The following USP44 variants were observed in gnomAD, a reference collection of about 807,000 sequenced individuals.
USP44 encodes the protein ubiquitin carboxyl-terminal hydrolase 44.
USP44 carries 61 observed loss-of-function variants against 69.0 expected under a neutral mutation model. That is an observed-to-expected ratio of 0.88 (90% CI 0.72 to 1.09). The LOEUF (loss-of-function observed/expected upper bound fraction) is 1.09. Ranked by LOEUF, USP44 falls within the 50% of genes least tolerant of loss-of-function variation. The pLI is 0.00. For missense variants in USP44, 753 were observed against 849.9 expected, an observed-to-expected ratio of 0.89 and a Z score of 1.42; for synonymous variants, 297 against 295.4, an observed-to-expected ratio of 1.01 and a Z score of -0.06.
At chr12:95,526,205 G>A (rs1565809656) in intron 3 of USP44, among the ~76,000 whole-genome samples, 1 of 152,138 alleles carries the variant, frequency 6.6e-6, no homozygotes, top group East Asian at 1.9e-4. Context: ...GAAAGCATTT[G>A]GCACTCACCA....
intron 1 of USP44, among the ~76,000 whole-genome samples, chr12:95,535,790 G>A (rs866337145): frequency 1.3e-5 from 2 of 151,922 alleles, no homozygotes; most frequent in East Asian, 1.9e-4. Flanking sequence ...ACCTAGTTAC[G>A]GAACACTAAA....
intron 1 of USP44, among the ~76,000 whole-genome samples, chr12:95,543,922 G>A (rs1226155781): frequency 1.7e-5 from 2 of 115,100 alleles, no homozygotes; most frequent in Non-Finnish European, 3.3e-5. Flanking sequence ...AGCCGAGATC[G>A]CGCCACTGCA....
At chr12:95,519,511 C>T (rs1332281275) in intron 5 of USP44, among the ~76,000 whole-genome samples, 3 of 139,908 alleles carry the variant, frequency 2.1e-5, no homozygotes, top group Admixed American at 7.7e-5. Flanking sequence ...GCAGTCTCGG[C>T]TCACTGCAAG....
chr12:95,518,013 TAAA>T lies in USP44; in HGVS notation c.*138_*140del, dbSNP rs367951165. 9.4e-6 allele frequency: 7 copies of T among 748,148 alleles called. No individual in the cohort carries two copies. Among genetic ancestry groups the T allele is most frequent in the Non-Finnish European group, 1.2e-5 (6 of 514,718 alleles). 46.3% of individuals were successfully genotyped at this position (748,148 alleles called of 1,614,324 possible). A position where few individuals can be genotyped will look rare whatever the true frequency, so the allele number is the denominator to read the frequency against. On this transcript the variant is annotated 3_prime_UTR_variant, in exon 6 of 6. Transcript: ENST00000258499. Reference sequence around the variant, plus strand: ...AGTTGATATATACATTTATACTTTGTAAAAAAAAAAATTGTTAGATATAAAATG... The same window carrying T: ...AGTTGATATATACATTTATACTTTGTAAAAAAAATTGTTAGATATAAAATG...
intron 1 of USP44, among the ~76,000 whole-genome samples, chr12:95,540,163 C>A (rs1278422326): frequency 1.3e-5 from 2 of 152,114 alleles, no homozygotes; most frequent in East Asian, 3.9e-4. Flanking sequence ...CAGACTTTAC[C>A]CTTAGCCCTA....
intron 3 of USP44, among the ~76,000 whole-genome samples, chr12:95,525,474 T>C (rs964584889): frequency 6.6e-6 from 1 of 152,178 alleles, no homozygotes; most frequent in East Asian, 1.9e-4. Context: ...ATTTAAAAGT[T>C]TGTGGTCAAA....
At chr12:95,527,768 A>C (rs943927434) in intron 3 of USP44, among the ~76,000 whole-genome samples, 4 of 151,698 alleles carry the variant, frequency 2.6e-5, no homozygotes, top group Non-Finnish European at 5.9e-5. Context: ...TACAGGCGTA[A>C]GCCACCGCAC....
At chr12:95,528,453 T>G (rs1452541776) in intron 3 of USP44, among the ~76,000 whole-genome samples, 1 of 152,238 alleles carries the variant, frequency 6.6e-6, no homozygotes, top group African/African-American at 2.4e-5. Flanking sequence ...CACTTTGATA[T>G]GTAGCCAAAA....
intron 4 of USP44, among the ~76,000 whole-genome samples, chr12:95,523,044 C>G (rs2076717518): frequency 6.6e-6 from 1 of 152,126 alleles, no homozygotes; most frequent in Admixed American, 6.5e-5. Context: ...GGATAGCTAA[C>G]CATGCTGAAG....
chr12:95,527,393 C>A (rs1238255988), intron 3 of USP44, among the ~76,000 whole-genome samples: 1 of 152,090 alleles, frequency 6.6e-6, no homozygotes, highest in Non-Finnish European at 1.5e-5. Flanking sequence ...CTGTGCCCAG[C>A]CCACACTCGA....
chr12:95,526,057 G>A (rs929783646), intron 3 of USP44, among the ~76,000 whole-genome samples: 4 of 152,156 alleles, frequency 2.6e-5, no homozygotes, highest in Admixed American at 6.5e-5. Flanking sequence ...TCAACTCCTC[G>A]GCATATAATT....
Position 95,524,783 on chromosome 12 carries a change from G to A in USP44, c.1630C>T (p.Arg544Cys), listed in dbSNP as rs762073679. Reference sequence around the variant, plus strand: ...ACTGGTTTGGAGGAAAACCTTCTACGCTTTGCTGTAACATCAAAGAAAGAA... The same window carrying A: ...ACTGGTTTGGAGGAAAACCTTCTACACTTTGCTGTAACATCAAAGAAAGAA... The part of the protein sequence containing the change: ...IYVCDQCNSK[R>C]RRFSSKPVVL... Residue 544 changes from arginine (R) to cysteine (C), a missense_variant, in exon 4 of 6, where the codon CGT (arginine) becomes TGT (cysteine). Physicochemically the swap from Arg to Cys is radical, Grantham distance 180. Transcript: ENST00000258499. 29 of 1,598,956 alleles carry A rather than the reference G, an allele frequency of 1.8e-5. No individual in the cohort carries two copies. The highest frequency in any genetic ancestry group is 6.7e-5 in the East Asian group (3 of 44,764).
chr12:95,524,091 G>A (rs1026595524), intron 4 of USP44, among the ~76,000 whole-genome samples: 1 of 151,780 alleles, frequency 6.6e-6, no homozygotes. Context: ...ACGTACATAT[G>A]TATGTTTGAG....
chr12:95,547,319 C>T (rs2077604286), intron 1 of USP44, among the ~76,000 whole-genome samples: 1 of 152,152 alleles, frequency 6.6e-6, no homozygotes, highest in African/African-American at 2.4e-5. Flanking sequence ...AAAAATCTGA[C>T]ATCGAACATA....
chr12:95,549,238 G>T (rs2077677615), intron 1 of USP44, among the ~76,000 whole-genome samples: 1 of 152,216 alleles, frequency 6.6e-6, no homozygotes. Flanking sequence ...CACTGGCATA[G>T]AAATTCTTAA....
intron 4 of USP44, chr12:95,521,909 A>G: frequency 2.2e-6 from 1 of 457,402 alleles, no homozygotes; most frequent in Non-Finnish European, 2.9e-6. Context: ...GGGCATCTCT[A>G]TTTCCTCAGA....
chr12:95,533,409 T>C lies in USP44; in HGVS notation c.848A>G (p.Tyr283Cys). The change falls in exon 2 of 6, where the codon TAT becomes TGT. Residue 283 changes from tyrosine to cysteine, a missense_variant. By Grantham distance (194) the Tyr-to-Cys change is radical. Transcript: ENST00000258499. ...CAACACCTGAAGAACAGAATTCATA[T>C]AGCAAGTATTTCCCAAATTTCTCAA... ...TGLRNLGNTC[Y>C]MNSVLQVLSH... 1.2e-6 allele frequency: 2 copies of C among 1,613,884 alleles called. No homozygotes were observed. The highest frequency in any genetic ancestry group is 2.7e-5 in the African/African-American group (2 of 75,056).
At chr12:95,546,421 C>T (rs2077573058) in intron 1 of USP44, 1 of 152,148 alleles carries the variant, frequency 6.6e-6, no homozygotes, top group Non-Finnish European at 1.5e-5. Context: ...GAATGTTACA[C>T]CTTTTACAAT....
At chr12:95,543,424 AAAAAG>A in intron 1 of USP44, among the ~76,000 whole-genome samples, 1 of 149,976 alleles carries the variant, frequency 6.7e-6, no homozygotes, top group African/African-American at 2.5e-5. Context: ...AAAAAAAAAA[AAAAAG>A]AAAAAGAAAA....
Sources: gnomAD v4.1 joint callset for allele counts (sites outside exome capture counted in the v4.1 genomes callset) on GRCh38, gnomAD v4.1.1 for gene constraint, MANE v1.5 for transcripts, NCBI Gene and HGNC (gene_info 2026-07-23, HGNC 2026-07-21) for gene names.